The following IL1RAPL1 variants were observed in gnomAD, a reference collection of about 807,000 sequenced individuals.
The protein encoded by IL1RAPL1 is interleukin-1 receptor accessory protein-like 1.
A neutral mutation model predicts 48.4 loss-of-function variants in IL1RAPL1; 3 were observed. The observed-to-expected ratio is 0.06, with a 90% CI of 0.03 to 0.16. IL1RAPL1 has a LOEUF of 0.16. Ranked by LOEUF, IL1RAPL1 falls within the 10% of genes least tolerant of loss-of-function variation. The pLI, the probability that IL1RAPL1 is intolerant of heterozygous loss-of-function variation, is 1.00. For synonymous variants in IL1RAPL1, 185 were observed against 187.7 expected (o/e 0.99, Z 0.12); for missense variants, 349 against 530.6 (o/e 0.66, Z 3.36).
At chrX:29,379,282 G>A (rs1350713039) in intron 3 of IL1RAPL1, among the ~76,000 whole-genome samples, 3 of 112,405 alleles carry the variant, frequency 2.7e-5, no homozygotes, top group African/African-American at 9.7e-5. Flanking sequence ...TCCAGGTAGA[G>A]GCTCTGGGAA....
intron 3 of IL1RAPL1, among the ~76,000 whole-genome samples, chrX:29,357,704 G>A (rs770451824): frequency 1.8e-5 from 2 of 112,091 alleles, no homozygotes; most frequent in Admixed American, 9.5e-5. Context: ...GGAAAGACAC[G>A]ATACCTTTCC....
At chrX:29,506,413 C>G (rs1935327349) in intron 5 of IL1RAPL1, among the ~76,000 whole-genome samples, 1 of 87,282 alleles carries the variant, frequency 1.1e-5, no homozygotes, top group Non-Finnish European at 2.2e-5. Context: ...ATTTGATTTT[C>G]TCTTCTTCTT....
intron 1 of IL1RAPL1, among the ~76,000 whole-genome samples, chrX:28,738,242 C>T (rs1449976739): frequency 9.0e-6 from 1 of 110,835 alleles, no homozygotes; most frequent in African/African-American, 3.3e-5. Context: ...TCCTACAGGA[C>T]AGAAAAATTT....
chrX:29,493,928 T>A (rs1935185621), intron 5 of IL1RAPL1, among the ~76,000 whole-genome samples: 1 of 111,444 alleles, frequency 9.0e-6, no homozygotes, highest in South Asian at 3.8e-4. Context: ...AGAGTCTCGC[T>A]CTGTTGCCCA....
intron 3 of IL1RAPL1, among the ~76,000 whole-genome samples, chrX:29,330,481 A>G (rs73631648): frequency 0.084 from 9,388 of 111,276 alleles, 900 homozygotes; most frequent in African/African-American, 0.28. Flanking sequence ...TCCTGCTTAC[A>G]CCTTGCTATT....
intron 5 of IL1RAPL1, among the ~76,000 whole-genome samples, chrX:29,404,269 A>G (rs1934028429): frequency 8.9e-6 from 1 of 111,931 alleles, no homozygotes; most frequent in Admixed American, 9.5e-5. Flanking sequence ...TTTTACCATA[A>G]CTATAGTTTT....
At chrX:29,437,953 G>A (rs1003702909) in intron 5 of IL1RAPL1, among the ~76,000 whole-genome samples, 13 of 111,045 alleles carry the variant, frequency 1.2e-4, no homozygotes, top group Non-Finnish European at 1.5e-4. Flanking sequence ...TAAGATTGAT[G>A]CTAATTCTTC....
chrX:29,263,954 C>G (rs991457261), intron 2 of IL1RAPL1, among the ~76,000 whole-genome samples: 3 of 104,295 alleles, frequency 2.9e-5, no homozygotes, highest in African/African-American at 1.1e-4. Context: ...CTGATATAGT[C>G]TAGCTCTCCA....
At chrX:29,332,648 AT>A (rs1366963181) in intron 3 of IL1RAPL1, among the ~76,000 whole-genome samples, 31 of 72,881 alleles carry the variant, frequency 4.3e-4, no homozygotes, top group Middle Eastern at 6.8e-3. Context: ...TTATTTATTT[AT>A]TTTATTTTTT....
Position 29,660,187 on chromosome X carries a change from A to G in IL1RAPL1, c.704-8243A>G, listed in dbSNP as rs141091642. Among the ~76,000 whole-genome samples the G allele has an allele frequency of 9.4e-3, 1,015 of 108,439 alleles. 9 individuals are homozygous for G. Among genetic ancestry groups the G allele is most frequent in the African/African-American group, 0.031 (936 of 29,903 alleles). 94.2% of individuals were successfully genotyped at this position (108,439 alleles called of 115,157 possible). ...CCACAAGGCCCCTCCTCCAACATTG[A>G]GGATTACAATTCGACATGAGATTTG... On this transcript the variant is annotated intron_variant, in intron 5 of 10. Transcript: ENST00000378993.
chrX:28,796,752 G>T (rs747848832), intron 2 of IL1RAPL1, among the ~76,000 whole-genome samples: 2 of 111,155 alleles, frequency 1.8e-5, no homozygotes, highest in African/African-American at 3.3e-5. Flanking sequence ...GCTGTCGGTG[G>T]GTCTACCATT....
At chrX:29,094,422 T>C (rs2147458431) in intron 2 of IL1RAPL1, among the ~76,000 whole-genome samples, 1 of 109,941 alleles carries the variant, frequency 9.1e-6, no homozygotes, top group Admixed American at 9.8e-5. Flanking sequence ...TGATAACATA[T>C]TGGTTTTCTT....
At chrX:29,069,365 C>T (rs1231705575) in intron 2 of IL1RAPL1, among the ~76,000 whole-genome samples, 2 of 111,057 alleles carry the variant, frequency 1.8e-5, no homozygotes, top group African/African-American at 6.5e-5. Context: ...TATTTGGGAA[C>T]GTAATCGAAT....
chrX:29,813,030 T>G (rs1025446694), intron 6 of IL1RAPL1, among the ~76,000 whole-genome samples: 1 of 111,783 alleles, frequency 8.9e-6, no homozygotes, highest in Non-Finnish European at 1.9e-5. Flanking sequence ...ACCATTTTGA[T>G]TAATCCTTCT....
chrX:28,696,686 A>G (rs916095536), intron 1 of IL1RAPL1, among the ~76,000 whole-genome samples: 9 of 111,436 alleles, frequency 8.1e-5, no homozygotes, highest in East Asian at 2.8e-4. Context: ...ACATACAAAA[A>G]TTTCACATTA....
chrX:28,743,157 T>A (rs758914660), intron 1 of IL1RAPL1, among the ~76,000 whole-genome samples: 29 of 111,532 alleles, frequency 2.6e-4, no homozygotes, highest in African/African-American at 8.8e-4. Context: ...TCAAATAACC[T>A]CTAATGGTCA....
At chrX:29,023,817 G>T (rs1374853274) in intron 2 of IL1RAPL1, among the ~76,000 whole-genome samples, 3 of 111,689 alleles carry the variant, frequency 2.7e-5, no homozygotes, top group Non-Finnish European at 5.7e-5. Context: ...ATATCCACCA[G>T]ATTACGCTAC....
At chrX:29,885,975 A>G (rs1932154393) in intron 6 of IL1RAPL1, among the ~76,000 whole-genome samples, 1 of 112,238 alleles carries the variant, frequency 8.9e-6, no homozygotes, top group South Asian at 3.7e-4. Flanking sequence ...TCTTATTAAC[A>G]TTTTAAAAGA....
intron 1 of IL1RAPL1, among the ~76,000 whole-genome samples, chrX:28,745,921 G>A (rs780023083): frequency 9.0e-5 from 10 of 111,726 alleles, no homozygotes; most frequent in Middle Eastern, 4.7e-3. Context: ...ACATGTTGGG[G>A]AAGAAAACTT....
Sources: gnomAD v4.1 joint callset for allele counts (sites outside exome capture counted in the v4.1 genomes callset) on GRCh38, gnomAD v4.1.1 for gene constraint, MANE v1.5 for transcripts, NCBI Gene and HGNC (gene_info 2026-07-23, HGNC 2026-07-21) for gene names.